NR6A1: variants seen among roughly 807,000 people sequenced by gnomAD.
NR6A1 encodes nuclear receptor subfamily 6 group A member 1, also known as retinoic acid receptor-related testis-associated receptor.
A neutral mutation model predicts 59.1 loss-of-function variants in NR6A1; 7 were observed. That is an observed-to-expected ratio of 0.12 (90% CI 0.07 to 0.22). NR6A1 has a LOEUF of 0.22. Ranked by LOEUF, NR6A1 falls within the 10% of genes least tolerant of loss-of-function variation. The probability of loss-of-function intolerance (pLI) is 1.00; values close to 1 mark genes in which losing one functional copy is unlikely to be tolerated. For synonymous variants in NR6A1, 243 were observed against 236.1 expected, an observed-to-expected ratio of 1.03 and a Z score of -0.27; for missense variants, 468 against 611.6, an observed-to-expected ratio of 0.77 and a Z score of 2.48.
intron 1 of NR6A1, among the ~76,000 whole-genome samples, chr9:124,745,671 TAAA>T (rs11334137): frequency 9.9e-5 from 12 of 121,396 alleles, no homozygotes; most frequent in East Asian, 2.5e-4. Flanking sequence ...AACTCTGTCT[TAAA>T]AAAAAAAAAA....
chr9:124,551,921 G>A (rs1450308546), intron 3 of NR6A1, among the ~76,000 whole-genome samples: 2 of 152,208 alleles, frequency 1.3e-5, no homozygotes, highest in African/African-American at 2.4e-5. Flanking sequence ...CAACCAGGAG[G>A]TGGCAGGGTT....
At chr9:124,522,924 T>C (rs760129499) in intron 9 of NR6A1, 131 bp from the exon 10 acceptor site, 11 of 665,054 alleles carry the variant, frequency 1.7e-5, no homozygotes, top group Non-Finnish European at 2.3e-5. Context: ...GCCAGGAGTA[T>C]CACAAAGGTT....
rs186656702 is a variant in NR6A1 at position 124,540,832 on chromosome 9, C to T, written c.442-645G>A. Among the ~76,000 whole-genome samples, 24 of 152,128 alleles carry T rather than the reference C, an allele frequency of 1.6e-4. No homozygotes were observed. In the East Asian group the frequency reaches 4.5e-3, roughly 28 times the overall value. ...AGACAAAACAAAACCAAACAAAAAA[C>T]CCCAAATGTCATGTCCTTTGTGAGG... On this transcript the variant is annotated intron_variant, in intron 4 of 9. Transcript: ENST00000487099.
intron 2 of NR6A1, among the ~76,000 whole-genome samples, chr9:124,586,568 G>A (rs1443583582): frequency 6.6e-6 from 1 of 151,816 alleles, no homozygotes; most frequent in African/African-American, 2.4e-5. Flanking sequence ...GCCTCAGTCT[G>A]CCAAGTAGCT....
intron 2 of NR6A1, among the ~76,000 whole-genome samples, chr9:124,618,287 C>T (rs953126816): frequency 6.6e-6 from 1 of 151,988 alleles, no homozygotes; most frequent in Non-Finnish European, 1.5e-5. Flanking sequence ...TTCGAGACCA[C>T]CCTGGACAAC....
At chr9:124,527,919 C>T (rs761916101) in intron 7 of NR6A1, among the ~76,000 whole-genome samples, 9 of 152,174 alleles carry the variant, frequency 5.9e-5, no homozygotes, top group East Asian at 1.9e-4. Context: ...TTATAAAAGA[C>T]GAGGTCAAGT....
Position 124,541,488 on chromosome 9 carries a change from AAAAC to A in NR6A1, c.442-1305_442-1302del, listed in dbSNP as rs527585729. On this transcript the variant is annotated intron_variant, in intron 4 of 9. Coordinates refer to ENST00000487099, the MANE Select transcript of NR6A1 (RefSeq NM_033334.4). ...AACACAACAACAACAAAAAAACCCCAAAACAAACAAACAAACAAACAAAAAACCA... is the reference window on the plus strand; with the variant it reads ...AACACAACAACAACAAAAAAACCCCAAAACAAACAAACAAACAAAAAACCA... 3.8e-3 allele frequency among the ~76,000 whole-genome samples: 579 copies of A among 151,928 alleles called. 7 individuals carry two copies. Among genetic ancestry groups the A allele is most frequent in the Non-Finnish European group, 5.1e-3 (348 of 67,748 alleles).
intron 2 of NR6A1, among the ~76,000 whole-genome samples, chr9:124,586,599 C>A (rs1346779733): frequency 6.6e-6 from 1 of 152,130 alleles, no homozygotes; most frequent in Non-Finnish European, 1.5e-5. Context: ...GCATGCGCCA[C>A]CATGCCCAGC....
intron 2 of NR6A1, among the ~76,000 whole-genome samples, chr9:124,623,039 G>C (rs1181144379): frequency 3.9e-5 from 6 of 152,150 alleles, no homozygotes; most frequent in Non-Finnish European, 8.8e-5. Flanking sequence ...AAATCCAGAA[G>C]TATATTTCCC....
chr9:124,742,042 A>C (rs1054361966), intron 1 of NR6A1, among the ~76,000 whole-genome samples: 5 of 152,220 alleles, frequency 3.3e-5, no homozygotes, highest in African/African-American at 4.8e-5. Flanking sequence ...GAGAGAAAAA[A>C]CAGAATGTTA....
chr9:124,565,007 T>C (rs1834197063), intron 2 of NR6A1, among the ~76,000 whole-genome samples: 1 of 152,082 alleles, frequency 6.6e-6, no homozygotes, highest in Non-Finnish European at 1.5e-5. Context: ...GATATCTATA[T>C]GGGAAAAAAA....
chr9:124,584,472 A>AT (rs1047509757), intron 2 of NR6A1, among the ~76,000 whole-genome samples: 6 of 151,554 alleles, frequency 4.0e-5, no homozygotes, highest in Non-Finnish European at 5.9e-5. Context: ...CATCAGTACC[A>AT]TTTTTTCCAA....
At chr9:124,653,994 A>G (rs967853315) in intron 2 of NR6A1, among the ~76,000 whole-genome samples, 5 of 152,246 alleles carry the variant, frequency 3.3e-5, no homozygotes, top group African/African-American at 4.8e-5. Context: ...ATTAATACAG[A>G]GAATCAGGCT....
intron 2 of NR6A1, among the ~76,000 whole-genome samples, chr9:124,648,408 C>T (rs1056451645): frequency 6.6e-5 from 10 of 152,028 alleles, no homozygotes; most frequent in African/African-American, 2.2e-4. Context: ...AAATTCAATA[C>T]CACTTCATAA....
At chr9:124,558,918 G>C (rs1383336732) in intron 2 of NR6A1, among the ~76,000 whole-genome samples, 1 of 152,110 alleles carries the variant, frequency 6.6e-6, no homozygotes, top group African/African-American at 2.4e-5. Context: ...ATCGTGCCTG[G>C]CCAGATGTCA....
At chr9:124,705,185 T>C (rs1163527761) in intron 2 of NR6A1, among the ~76,000 whole-genome samples, 1 of 152,252 alleles carries the variant, frequency 6.6e-6, no homozygotes, top group Non-Finnish European at 1.5e-5. Flanking sequence ...AAGTGTTCAA[T>C]AAATGAGTTC....
chr9:124,517,942 C>T lies in NR6A1; in HGVS notation c.*4763G>A, dbSNP rs1311713340. 6.6e-6 allele frequency: 1 copy of T among 151,666 alleles called. No individual in the cohort carries two copies. The highest frequency in any genetic ancestry group is 1.5e-5 in the Non-Finnish European group (1 of 67,974). The allele number at this position is 151,666 out of a possible 1,614,324, so 9.4% of individuals were successfully genotyped here. On this transcript the variant is annotated 3_prime_UTR_variant, in exon 10 of 10. Coordinates refer to ENST00000487099, the MANE Select transcript of NR6A1 (RefSeq NM_033334.4). ...CTCAGAGAGGAATCGACCAGGATGT[C>T]GCTTAAGAGGTAGTTTTTTTTTTCT...
At chr9:124,718,285 T>C (rs1839458577) in intron 2 of NR6A1, among the ~76,000 whole-genome samples, 1 of 152,238 alleles carries the variant, frequency 6.6e-6, no homozygotes, top group Non-Finnish European at 1.5e-5. Context: ...TCAATAGTGC[T>C]GGCTCAAGCC....
At chr9:124,738,859 C>T (rs1369518828) in intron 1 of NR6A1, among the ~76,000 whole-genome samples, 1 of 151,878 alleles carries the variant, frequency 6.6e-6, no homozygotes, top group East Asian at 1.9e-4. Flanking sequence ...AAAAATTAGC[C>T]AGGCGTGGTG....
Sources: gnomAD v4.1 joint callset for allele counts (sites outside exome capture counted in the v4.1 genomes callset) on GRCh38, gnomAD v4.1.1 for gene constraint, MANE v1.5 for transcripts, NCBI Gene and HGNC (gene_info 2026-07-23, HGNC 2026-07-21) for gene names.